The following TRIP13 variants were observed in gnomAD, a reference collection of about 807,000 sequenced individuals.
TRIP13 encodes the protein pachytene checkpoint protein 2 homolog.
In TRIP13, 25 loss-of-function variants were observed where a neutral mutation model predicts 54.4. That is an observed-to-expected ratio of 0.46 (90% CI 0.33 to 0.64). TRIP13 has a LOEUF of 0.64. Ranked by LOEUF, TRIP13 falls within the 30% of genes least tolerant of loss-of-function variation. TRIP13 has a pLI of 0.02. For synonymous variants in TRIP13, 207 were observed against 207.8 expected (o/e 1.00, Z 0.03); for missense variants, 373 against 534.2 (o/e 0.70, Z 2.97).
chr5:901,424 G>T lies in TRIP13; in HGVS notation c.528G>T (p.Leu176=). Residue 176 remains leucine, a synonymous_variant, in exon 5 of 13, where the codon CTG becomes CTT. Coordinates refer to ENST00000166345, the MANE Select transcript of TRIP13 (RefSeq NM_004237.4). ...TCATCACCTGGAACCGGGTGGTGCTGCTCCACGGTAAATTATGCAGGCTTT... is the reference window on the plus strand; with the variant it reads ...TCATCACCTGGAACCGGGTGGTGCTTCTCCACGGTAAATTATGCAGGCTTT... ...SNLITWNRVV[L]LHGPPGTGKT... 3.1e-6 allele frequency: 5 copies of T among 1,614,016 alleles called. No individual in the cohort carries two copies. The highest frequency in any genetic ancestry group is 4.2e-6 in the Non-Finnish European group (5 of 1,179,966).
At position 908,518 on chromosome 5, in the gene TRIP13, A is replaced by T; in HGVS notation, c.866+57A>T. 4 of 1,604,520 alleles carry T rather than the reference A, an allele frequency of 2.5e-6. No homozygotes were observed. The highest frequency in any genetic ancestry group is 3.4e-6 in the Non-Finnish European group (4 of 1,176,596). On this transcript the variant is annotated intron_variant, in intron 9 of 12. Coordinates refer to ENST00000166345, the MANE Select transcript of TRIP13 (RefSeq NM_004237.4). The surrounding 1 kb of genome is among the most constrained non-coding windows in gnomAD (Gnocchi z 5.2). ...AAGTGATGAGAAGTTTGTCCCAAAGAAATGCGTGATACTTGTGCAACCCTA... is the reference window on the plus strand; with the variant it reads ...AAGTGATGAGAAGTTTGTCCCAAAGTAATGCGTGATACTTGTGCAACCCTA...
Position 911,942 on chromosome 5 carries a change from C to G in TRIP13, c.966C>G (p.Pro322=), listed in dbSNP as rs750679391. 10 of 1,613,746 alleles carry G rather than the reference C, an allele frequency of 6.2e-6. No individual in the cohort carries two copies. In the East Asian group the frequency reaches 1.1e-4, roughly 18 times the overall value. Residue 322 remains proline, a synonymous_variant, in exon 10 of 13, where the codon CCC becomes CCG. Coordinates refer to ENST00000166345, the MANE Select transcript of TRIP13 (RefSeq NM_004237.4). This position sits in a 1 kb window ranked among gnomAD's most constrained non-coding sequence, Gnocchi z 4.7. ...ACATCAAGCAGTACATTGGGCCACC[C>G]TCTGCAGCAGCCATCTTCAAAATCT... The part of the protein sequence containing the change: ...RADIKQYIGP[P]SAAAIFKIYL...
chr5:915,647 C>T lies in TRIP13; in HGVS notation c.1134-257C>T, dbSNP rs553478383. Among the ~76,000 whole-genome samples, 23 of 152,236 alleles carry T rather than the reference C, an allele frequency of 1.5e-4. No homozygotes were observed. The South Asian group carries it at 2.3e-3, about 15-fold the overall frequency. Reference sequence around the variant, plus strand: ...GTGTGCCTTGGGTGTGCTTCAGAGCCGCGAGGACACTGCCTCCCAGAGCAG... The same window carrying T: ...GTGTGCCTTGGGTGTGCTTCAGAGCTGCGAGGACACTGCCTCCCAGAGCAG... On this transcript the variant is annotated intron_variant, in intron 11 of 12. Coordinates refer to ENST00000166345, the MANE Select transcript of TRIP13 (RefSeq NM_004237.4). This position sits in a 1 kb window ranked among gnomAD's most constrained non-coding sequence, Gnocchi z 4.2.
chr5:893,198 A>C (rs1580043235), intron 1 of TRIP13, 108 bp downstream of exon 1: 1 of 1,073,940 alleles, frequency 9.3e-7, no homozygotes, highest in Non-Finnish European at 1.3e-6. Flanking sequence ...ACCGAACCCC[A>C]GGGTACTGAT....
Position 892,963 on chromosome 5 carries a change from C to T in TRIP13, c.-36C>T. 1 of 1,464,074 alleles carries T rather than the reference C, an allele frequency of 6.8e-7. No homozygotes were observed. The highest frequency in any genetic ancestry group is 9.0e-7 in the Non-Finnish European group (1 of 1,110,394). The allele number at this position is 1,464,074 out of a possible 1,614,324, so 90.7% of individuals were successfully genotyped here. A position where few individuals can be genotyped will look rare whatever the true frequency, so the allele number is the denominator to read the frequency against. ...GCTGGGCGTGAGGTGGCGGCGGCCG[C>T]GCCCTGGTTGGGTCCCCACTGCTCT... On this transcript the variant is annotated 5_prime_UTR_variant, in exon 1 of 13. Coordinates refer to ENST00000166345, the MANE Select transcript of TRIP13 (RefSeq NM_004237.4).
In TRIP13 at chr5:907,305, T is replaced by A. The variant is rs1754135582; in HGVS notation, c.672+112T>A. On this transcript the variant is annotated intron_variant, in intron 7 of 12. Coordinates refer to ENST00000166345, the MANE Select transcript of TRIP13 (RefSeq NM_004237.4). The surrounding 1 kb of genome is among the most constrained non-coding windows in gnomAD (Gnocchi z 4.1). ...TCAGGAGAGAACTGGGTGGGAAGGG[T>A]GTGTGAGGATTGGGGCTGACTGTGA... is the stretch of plus-strand genomic sequence containing the variant. The A allele has an allele frequency of 1.0e-6, 1 of 958,622 alleles. No individual in the cohort carries two copies. The highest frequency in any genetic ancestry group is 1.6e-5 in the African/African-American group (1 of 60,958). 59.4% of individuals were successfully genotyped at this position (958,622 alleles called of 1,614,324 possible). A position where few individuals can be genotyped will look rare whatever the true frequency, so the allele number is the denominator to read the frequency against.
chr5:895,426 C>T (rs1482687414), intron 2 of TRIP13, among the ~76,000 whole-genome samples: 2 of 152,074 alleles, frequency 1.3e-5, no homozygotes, highest in Non-Finnish European at 2.9e-5. Flanking sequence ...TGTGTGAGGG[C>T]GTGGAGGCAT....
At chr5:903,635 T>C (rs1480570902) in intron 5 of TRIP13, among the ~76,000 whole-genome samples, 1 of 152,152 alleles carries the variant, frequency 6.6e-6, no homozygotes, top group African/African-American at 2.4e-5. Flanking sequence ...GGCCTCTGCC[T>C]CTTCTAGTAT....
In TRIP13 at chr5:907,914, C is replaced by G. The variant is rs1236657960; in HGVS notation, c.673-74C>G. 1.3e-6 allele frequency: 2 copies of G among 1,487,714 alleles called. No individual in the cohort carries two copies. The highest frequency in any genetic ancestry group is 2.8e-5 in the African/African-American group (2 of 72,322). 92.2% of individuals were successfully genotyped at this position (1,487,714 alleles called of 1,614,324 possible). A position where few individuals can be genotyped will look rare whatever the true frequency, so the allele number is the denominator to read the frequency against. On this transcript the variant is annotated intron_variant, in intron 7 of 12. Transcript: ENST00000166345. This position sits in a 1 kb window ranked among gnomAD's most constrained non-coding sequence, Gnocchi z 4.1. ...TGTGGGGACAACTGGGGCAGCAGGC[C>G]ACATCAGGGTCCCCCTGTGCACCTG...
rs1579204094 is a variant in TRIP13, at chr5:913,916, G to T, written c.1021-549G>T. 6.6e-6 allele frequency among the ~76,000 whole-genome samples: 1 copy of T among 152,156 alleles called. No individual in the cohort carries two copies. The highest frequency in any genetic ancestry group is 2.1e-4 in the South Asian group (1 of 4,820). On this transcript the variant is annotated intron_variant, in intron 10 of 12. Transcript: ENST00000166345. This position sits in a 1 kb window ranked among gnomAD's most constrained non-coding sequence, Gnocchi z 4.5. The stretch of plus-strand genomic sequence containing the variant: ...GTGTGCGCACCTGACTGTTGGCAAG[G>T]CTGCTTGGAAAAGCATGACTTCCAG...
In TRIP13 at chr5:915,833, A is replaced by C; in HGVS notation, c.1134-71A>C. 1 of 1,553,944 alleles carries C rather than the reference A, an allele frequency of 6.4e-7. No individual in the cohort carries two copies. Among genetic ancestry groups the C allele is most frequent in the Non-Finnish European group, 8.9e-7 (1 of 1,125,520 alleles). The stretch of plus-strand genomic sequence containing the variant: ...TGTGTTCCCAGGGATGCCTCGGCCA[A>C]TGAGGAAAATTAGTCCTGAAACGTG... On this transcript the variant is annotated intron_variant, in intron 11 of 12. Coordinates refer to ENST00000166345, the MANE Select transcript of TRIP13 (RefSeq NM_004237.4). The surrounding 1 kb of genome is among the most constrained non-coding windows in gnomAD (Gnocchi z 4.2).
intron 9 of TRIP13, among the ~76,000 whole-genome samples, chr5:910,513 C>G (rs1560949417): frequency 6.6e-6 from 1 of 152,172 alleles, no homozygotes; most frequent in African/African-American, 2.4e-5. Context: ...CCCTAACTTC[C>G]TGGGATTCCA....
chr5:917,151 A>T lies in TRIP13; in HGVS notation c.*48A>T. The T allele has an allele frequency of 6.3e-7, 1 of 1,592,736 alleles. No homozygotes were observed. On this transcript the variant is annotated 3_prime_UTR_variant, in exon 13 of 13. Coordinates refer to ENST00000166345, the MANE Select transcript of TRIP13 (RefSeq NM_004237.4). ...CTTTTCCCATGGAGAACACACAACC[A>T]GTAAGTGAGGTTGCCCCACACAGCC...
intron 3 of TRIP13, 31 bp downstream of exon 3, chr5:896,825 G>T: frequency 6.2e-7 from 1 of 1,605,786 alleles, no homozygotes; most frequent in Non-Finnish European, 8.5e-7. Context: ...TGAAGGGGAG[G>T]CTGAGGTCAG....
chr5:917,076 G>C lies in TRIP13; in HGVS notation c.1272G>C (p.Glu424Asp), dbSNP rs759305318. ...TGGCAGTGGACAAGCAGTTTGAAGAGAGAAAGAAGCTTGCAGCTTACATCT... is the reference window on the plus strand; with the variant it reads ...TGGCAGTGGACAAGCAGTTTGAAGACAGAAAGAAGCTTGCAGCTTACATCT... Reference protein sequence around the residue: ...LSLAVDKQFEERKKLAAYI With the variant: ...LSLAVDKQFEDRKKLAAYI The change falls in exon 13 of 13, where the codon GAG becomes GAC. Residue 424 changes from glutamate (E) to aspartate (D), a missense_variant. Transcript: ENST00000166345. 1.9e-6 allele frequency: 3 copies of C among 1,614,122 alleles called. No homozygotes were observed. Among genetic ancestry groups the C allele is most frequent in the South Asian group, 2.2e-5 (2 of 91,066 alleles).
chr5:896,089 A>T (rs1455558901), intron 2 of TRIP13, among the ~76,000 whole-genome samples: 2 of 152,222 alleles, frequency 1.3e-5, no homozygotes. Flanking sequence ...GGATGGAAGG[A>T]TCACTTGAGG....
intron 2 of TRIP13, 128 bp from the exon 3 acceptor site, chr5:896,537 T>A: frequency 1.0e-6 from 1 of 969,504 alleles, no homozygotes. Context: ...TCTCATCTAA[T>A]CTGAGAACTA....
At chr5:894,745 T>C in intron 1 of TRIP13, 42 bp from the exon 2 acceptor site, 1 of 1,559,666 alleles carries the variant, frequency 6.4e-7, no homozygotes, top group Non-Finnish European at 8.6e-7. Flanking sequence ...ATTTTGTTTT[T>C]GAACTAAGAT....
chr5:895,252 A>T (rs1253103168), intron 2 of TRIP13, among the ~76,000 whole-genome samples: 1 of 152,210 alleles, frequency 6.6e-6, no homozygotes, highest in South Asian at 2.1e-4. Flanking sequence ...TCATTCTTTC[A>T]ATCAGCAAAT....
Sources: gnomAD v4.1 joint callset for allele counts (sites outside exome capture counted in the v4.1 genomes callset) on GRCh38, gnomAD v4.1.1 for gene constraint, Gnocchi (gnomAD v3.1) non-coding constraint, MANE v1.5 for transcripts, NCBI Gene and HGNC (gene_info 2026-07-23, HGNC 2026-07-21) for gene names.